The following CREB5 variants were observed in gnomAD, a reference collection of about 807,000 sequenced individuals.
CREB5 encodes the protein cyclic AMP-responsive element-binding protein 5.
In CREB5, 19 loss-of-function variants were observed where a neutral mutation model predicts 57.1. The ratio of observed to expected loss-of-function variants is 0.33; its 90% confidence interval spans 0.23 to 0.49. The LOEUF is 0.49. Among genes scored for constraint, CREB5 ranks in the 20% least tolerant of loss-of-function variants. CREB5 has a pLI of 0.99. For missense variants in CREB5, 579 were observed against 671.6 expected, an observed-to-expected ratio of 0.86 and a Z score of 1.52; for synonymous variants, 238 against 238.3, an observed-to-expected ratio of 1.00 and a Z score of 0.01.
At chr7:28,453,493 A>AT (rs1283279870) in intron 1 of CREB5, among the ~76,000 whole-genome samples, 2 of 152,228 alleles carry the variant, frequency 1.3e-5, no homozygotes, top group African/African-American at 4.8e-5. Context: ...TACATATAAA[A>AT]TTGACTTATC....
chr7:28,571,339 C>G (rs1260468065), intron 5 of CREB5, among the ~76,000 whole-genome samples: 1 of 152,186 alleles, frequency 6.6e-6, no homozygotes, highest in African/African-American at 2.4e-5. Flanking sequence ...TCGTCCCGCC[C>G]TCTGCTTATT....
rs371097125 is a variant in CREB5, at chr7:28,583,754, A to G, written c.464+13217A>G. Among the ~76,000 whole-genome samples, 9 of 152,046 alleles carry G rather than the reference A, an allele frequency of 5.9e-5. No individual in the cohort carries two copies. The East Asian group carries it at 7.7e-4, about 13-fold the overall frequency. On this transcript the variant is annotated intron_variant, in intron 5 of 10. Transcript: ENST00000357727. ...AGTGCAATGGCATGATCTCAGCTCAATGCAACCTCCACCTCCTAGGTTCAA... is the reference window on the plus strand; with the variant it reads ...AGTGCAATGGCATGATCTCAGCTCAGTGCAACCTCCACCTCCTAGGTTCAA...
At chr7:28,806,975 C>T (rs988443983) in intron 8 of CREB5, among the ~76,000 whole-genome samples, 4 of 152,216 alleles carry the variant, frequency 2.6e-5, no homozygotes, top group African/African-American at 9.6e-5. Flanking sequence ...TAATGCTTTT[C>T]TTTGCAGTAG....
chr7:28,803,324 C>T (rs558414269), intron 7 of CREB5, among the ~76,000 whole-genome samples: 45 of 152,298 alleles, frequency 3.0e-4, no homozygotes, highest in Non-Finnish European at 4.4e-4. Flanking sequence ...ACATTACCTC[C>T]GAAGCTTGTA....
At chr7:28,679,956 G>T (rs1010545027) in intron 5 of CREB5, among the ~76,000 whole-genome samples, 1 of 152,156 alleles carries the variant, frequency 6.6e-6, no homozygotes, top group Non-Finnish European at 1.5e-5. Context: ...GAGCCAGGCA[G>T]GCCCAGAGCT....
chr7:28,794,306 G>A (rs576173754), intron 7 of CREB5, among the ~76,000 whole-genome samples: 138 of 152,240 alleles, frequency 9.1e-4, no homozygotes, highest in African/African-American at 3.2e-3. Context: ...AAGACAAAGG[G>A]CATTATTCTC....
intron 5 of CREB5, among the ~76,000 whole-genome samples, chr7:28,657,717 G>GGA (rs748458566): frequency 3.1e-4 from 17 of 54,026 alleles, no homozygotes; most frequent in African/African-American, 1.2e-3. Flanking sequence ...ACTCTCTCTC[G>GGA]AAAAAAAAAA....
intron 1 of CREB5, among the ~76,000 whole-genome samples, chr7:28,362,255 C>G (rs1786502115): frequency 6.6e-6 from 1 of 152,114 alleles, no homozygotes. Flanking sequence ...AGCAATGGCA[C>G]TGGCTAGTGA....
At chr7:28,620,695 C>T (rs973922253) in intron 5 of CREB5, among the ~76,000 whole-genome samples, 6 of 152,146 alleles carry the variant, frequency 3.9e-5, no homozygotes, top group East Asian at 1.9e-4. Flanking sequence ...CATCCAGAGC[C>T]GCTACGGTCA....
chr7:28,679,970 C>T (rs1300753647), intron 5 of CREB5, among the ~76,000 whole-genome samples: 4 of 152,146 alleles, frequency 2.6e-5, no homozygotes, highest in Non-Finnish European at 5.9e-5. Context: ...CAGAGCTTCA[C>T]CTGATATTTT....
chr7:28,565,774 A>G (rs1795447967), intron 4 of CREB5, among the ~76,000 whole-genome samples: 1 of 152,108 alleles, frequency 6.6e-6, no homozygotes, highest in African/African-American at 2.4e-5. Flanking sequence ...TACAAAAATT[A>G]GCCAGGTGTG....
At chr7:28,696,935 C>T (rs1044383062) in intron 5 of CREB5, among the ~76,000 whole-genome samples, 20 of 151,450 alleles carry the variant, frequency 1.3e-4, no homozygotes, top group Non-Finnish European at 2.9e-4. Flanking sequence ...ATATACTTCA[C>T]ATATATGTGT....
At chr7:28,546,006 C>T (rs1794405876) in intron 4 of CREB5, among the ~76,000 whole-genome samples, 3 of 152,172 alleles carry the variant, frequency 2.0e-5, no homozygotes. Flanking sequence ...ACATTTTCAG[C>T]CTCCCCAAAA....
intron 7 of CREB5, among the ~76,000 whole-genome samples, chr7:28,753,985 T>TAA (rs541229355): frequency 7.2e-6 from 1 of 139,490 alleles, no homozygotes; most frequent in Non-Finnish European, 1.6e-5. Flanking sequence ...TTAAACTCAT[T>TAA]AAAAAAAAAA....
intron 1 of CREB5, among the ~76,000 whole-genome samples, chr7:28,404,615 C>T (rs1375037323): frequency 1.3e-5 from 2 of 152,112 alleles, no homozygotes; most frequent in African/African-American, 4.8e-5. Flanking sequence ...TTAAGAATTT[C>T]AAGATGGTGA....
intron 7 of CREB5, among the ~76,000 whole-genome samples, chr7:28,777,835 GAAAAGAA>G (rs1806748688): frequency 6.6e-6 from 1 of 151,916 alleles, no homozygotes; most frequent in Non-Finnish European, 1.5e-5. Context: ...GTAATGCCAA[GAAAAGAA>G]AAAAGAAAAT....
intron 5 of CREB5, among the ~76,000 whole-genome samples, chr7:28,591,432 G>A (rs146776192): frequency 2.6e-5 from 4 of 152,118 alleles, no homozygotes; most frequent in East Asian, 3.9e-4. Flanking sequence ...GCTTAGTACC[G>A]TGCTTGTAAT....
At chr7:28,626,843 C>G (rs759799646) in intron 5 of CREB5, among the ~76,000 whole-genome samples, 1 of 152,044 alleles carries the variant, frequency 6.6e-6, no homozygotes, top group Admixed American at 6.6e-5. Context: ...ACCGGGGGCC[C>G]TTCATCAGAT....
intron 4 of CREB5, among the ~76,000 whole-genome samples, chr7:28,522,215 G>A (rs751210974): frequency 8.5e-5 from 13 of 152,154 alleles, no homozygotes; most frequent in Admixed American, 1.3e-4. Flanking sequence ...TGGGAAATTA[G>A]TGTGTTTCCC....
Sources: allele counts gnomAD v4.1 joint callset (sites outside exome capture counted in the v4.1 genomes callset), GRCh38; gene constraint gnomAD v4.1.1; transcripts MANE v1.5; gene names NCBI Gene and HGNC (gene_info 2026-07-23, HGNC 2026-07-21).